The following RYR3 variants were observed in gnomAD, a reference collection of about 807,000 sequenced individuals.
RYR3 encodes the protein brain ryanodine receptor-calcium release channel.
In RYR3, 207 loss-of-function variants were observed where a neutral mutation model predicts 584.3. The ratio of observed to expected loss-of-function variants is 0.35; its 90% CI spans 0.32 to 0.40. The LOEUF (loss-of-function observed/expected upper bound fraction) is 0.40, where lower values mean the gene tolerates loss of function less well. RYR3 is among the 10% of genes least tolerant of loss of function. The pLI is 1.00. For synonymous variants in RYR3, 2,416 were observed against 2,248.5 expected (o/e 1.07, Z -2.11); for missense variants, 5,616 against 6,089.2 (o/e 0.92, Z 2.59).
At chr15:33,317,502 G>A (rs1168689064) in intron 1 of RYR3, among the ~76,000 whole-genome samples, 1 of 152,150 alleles carries the variant, frequency 6.6e-6, no homozygotes, top group Non-Finnish European at 1.5e-5. Context: ...TAGGGACAAA[G>A]ACATTTCCAG....
At chr15:33,588,473 T>TA (rs921879808) in intron 16 of RYR3, among the ~76,000 whole-genome samples, 4 of 152,194 alleles carry the variant, frequency 2.6e-5, no homozygotes, top group Admixed American at 6.5e-5. Context: ...TTTTTATTTA[T>TA]AAAAAAATAA....
chr15:33,662,295 C>G lies in RYR3; in HGVS notation c.4765C>G (p.Leu1589Val), dbSNP rs2063213032. ...ALCSHVDLSQ[L>V]FYAIDNKYLP... ...GTGCAGCCACGTGGACCTCTCCCAG[C>G]TCTTCTATGCCATTGACAACAAGTA... The change falls in exon 35 of 104, where the codon CTC becomes GTC. Residue 1589 changes from leucine to valine, a missense_variant. Physicochemically the swap from Leu to Val is conservative, Grantham distance 32. This residue lies in a region of RYR3 where 753 missense variants were observed against 741.0 expected (regional missense o/e 1.02). Coordinates refer to ENST00000634891, the MANE Select transcript of RYR3 (RefSeq NM_001036.6). The G allele has an allele frequency of 6.2e-7, 1 of 1,611,238 alleles. No individual in the cohort carries two copies. The highest frequency in any genetic ancestry group is 8.5e-7 in the Non-Finnish European group (1 of 1,178,934).
At chr15:33,857,729 A>G (rs750371272) in intron 98 of RYR3, 51 bp from the exon 99 acceptor site, 24 of 1,607,806 alleles carry the variant, frequency 1.5e-5, no homozygotes, top group Middle Eastern at 1.7e-4. Flanking sequence ...TGAACCTTTC[A>G]AGGTAGAGAA....
chr15:33,570,738 T>G (rs1375359158), intron 12 of RYR3, among the ~76,000 whole-genome samples: 1 of 152,190 alleles, frequency 6.6e-6, no homozygotes, highest in Non-Finnish European at 1.5e-5. Flanking sequence ...ATTTTTTAAT[T>G]ATTTTCAGGA....
rs140367639 is a variant in RYR3, at chr15:33,622,525, C to T, written c.2358-1282C>T. ...CAGATGTCTCCCAATCAGTAATTAA[C>T]GCCTATTTGTCTGCTAGAATACCTG... On this transcript the variant is annotated intron_variant, in intron 19 of 103. Coordinates refer to ENST00000634891, the MANE Select transcript of RYR3 (RefSeq NM_001036.6). Among the ~76,000 whole-genome samples, 110 of 152,308 alleles carry T rather than the reference C, an allele frequency of 7.2e-4. No homozygotes were observed. In the East Asian group the frequency reaches 0.019, roughly 26 times the overall value.
At position 33,838,327 on chromosome 15, in the gene RYR3, A is replaced by G; in HGVS notation, c.12347A>G (p.Glu4116Gly). The G allele has an allele frequency of 6.2e-7, 1 of 1,613,996 alleles. No homozygotes were observed. The highest frequency in any genetic ancestry group is 1.1e-5 in the South Asian group (1 of 91,080). Reference sequence around the variant, plus strand: ...GCTGACAGGCCAGAAGAGGAGGAAGAAGATGAAGATTCTTCTTACGTGTTA... The same window carrying G: ...GCTGACAGGCCAGAAGAGGAGGAAGGAGATGAAGATTCTTCTTACGTGTTA... ...DSADRPEEEE[E>G]DEDSSYVLEI... The change falls in exon 89 of 104, where the codon GAA becomes GGA. Residue 4116 changes from glutamate to glycine, a missense_variant. Physicochemically the swap from Glu to Gly is moderately conservative, Grantham distance 98. This residue lies in a region of RYR3 where 258 missense variants were observed against 297.3 expected (regional missense o/e 0.87). Coordinates refer to ENST00000634891, the MANE Select transcript of RYR3 (RefSeq NM_001036.6).
At chr15:33,324,831 T>C (rs1383132305) in intron 1 of RYR3, among the ~76,000 whole-genome samples, 3 of 152,156 alleles carry the variant, frequency 2.0e-5, no homozygotes, top group Admixed American at 1.3e-4. Context: ...TGACACAAAG[T>C]TAAAAACCCA....
intron 45 of RYR3, among the ~76,000 whole-genome samples, chr15:33,725,839 G>T (rs1297948721): frequency 6.6e-6 from 1 of 150,766 alleles, no homozygotes; most frequent in Non-Finnish European, 1.5e-5. Flanking sequence ...GTGTGGTGGC[G>T]GGCGCCTGTA....
chr15:33,539,325 A>T (rs1484152344), intron 5 of RYR3, 25 bp from the exon 6 acceptor site: 6 of 1,459,312 alleles, frequency 4.1e-6, no homozygotes, highest in Non-Finnish European at 5.7e-6. Flanking sequence ...TGAAGCAATG[A>T]CTAACTCAAG....
intron 24 of RYR3, among the ~76,000 whole-genome samples, chr15:33,634,180 T>C (rs1024933261): frequency 6.6e-6 from 1 of 151,998 alleles, no homozygotes; most frequent in Non-Finnish European, 1.5e-5. Flanking sequence ...GCCTCCCGAG[T>C]AGCTGGGATT....
At chr15:33,682,576 C>G (rs183472099) in intron 38 of RYR3, among the ~76,000 whole-genome samples, 1 of 152,078 alleles carries the variant, frequency 6.6e-6, no homozygotes. Context: ...ATAAATGAAG[C>G]CATTTATAAT....
chr15:33,402,499 A>G (rs140025621), intron 1 of RYR3, among the ~76,000 whole-genome samples: 11 of 152,344 alleles, frequency 7.2e-5, no homozygotes, highest in Non-Finnish European at 7.3e-5. Flanking sequence ...TCTCATGTAA[A>G]TTCACAGTCT....
intron 2 of RYR3, among the ~76,000 whole-genome samples, chr15:33,489,188 C>T (rs1472979406): frequency 6.6e-6 from 1 of 152,158 alleles, no homozygotes; most frequent in Non-Finnish European, 1.5e-5. Flanking sequence ...CAGACATTTA[C>T]ATCGACAGCT....
intron 1 of RYR3, among the ~76,000 whole-genome samples, chr15:33,415,819 A>C (rs950469604): frequency 2.0e-5 from 3 of 152,296 alleles, no homozygotes; most frequent in Admixed American, 6.5e-5. Flanking sequence ...CATAGTGAAC[A>C]TAGTGCCCAA....
chr15:33,466,699 AGG>A (rs1439750991), intron 1 of RYR3, among the ~76,000 whole-genome samples: 1 of 152,236 alleles, frequency 6.6e-6, no homozygotes, highest in East Asian at 1.9e-4. Context: ...AGAAGCAAAC[AGG>A]GTATCATAGA....
At chr15:33,854,567 C>G (rs1204904570) in intron 97 of RYR3, 118 bp downstream of exon 97, 2 of 1,047,866 alleles carry the variant, frequency 1.9e-6, no homozygotes, top group Middle Eastern at 2.1e-4. Context: ...GACCAAGAGC[C>G]TTATACGTGC....
chr15:33,722,085 G>T (rs1332230858), intron 43 of RYR3, among the ~76,000 whole-genome samples: 2 of 152,138 alleles, frequency 1.3e-5, no homozygotes, highest in African/African-American at 4.8e-5. Flanking sequence ...CCTAGGTTAG[G>T]TATTAGACTC....
In RYR3 at chr15:33,840,831, G is replaced by A. The variant is rs1476407414; in HGVS notation, c.12985G>A (p.Glu4329Lys). The change falls in exon 90 of 104, where the codon GAA becomes AAA. Residue 4329 changes from glutamate to lysine, a missense_variant. Glu to Lys is a moderately conservative substitution (Grantham distance 56). Around this residue, in one of 9 missense-constraint regions of RYR3, gnomAD observed 918 missense variants for 887.4 expected, o/e 1.03. Transcript: ENST00000634891. ...AATTGTTATTTTTGTCTAGGCAGCA[G>A]AAATGAAAGCAGCAAATGAAGCAGA... ...VQKKRKAQAA[E>K]MKAANEAEGK... The A allele has an allele frequency of 6.2e-7, 1 of 1,613,934 alleles. No homozygotes were observed. The highest frequency in any genetic ancestry group is 2.2e-5 in the East Asian group (1 of 44,888).
intron 32 of RYR3, among the ~76,000 whole-genome samples, chr15:33,655,615 C>T (rs1289614622): frequency 1.3e-5 from 2 of 152,124 alleles, no homozygotes; most frequent in Admixed American, 6.5e-5. Flanking sequence ...GGAGAGCCTT[C>T]CTCCACCCTG....
Sources: gnomAD v4.1 joint callset for allele counts (sites outside exome capture counted in the v4.1 genomes callset) on GRCh38, gnomAD v4.1.1 for gene constraint, gnomAD v4.1.1 regional missense constraint, MANE v1.5 for transcripts, NCBI Gene and HGNC (gene_info 2026-07-23, HGNC 2026-07-21) for gene names.